Variants in MYH14 observed in about 807,000 individuals in gnomAD.
The protein encoded by MYH14 is myosin-14.
In MYH14, 123 loss-of-function variants were observed where a neutral mutation model predicts 255.5. The observed-to-expected ratio is 0.48, with a 90% CI of 0.42 to 0.56. The LOEUF is 0.56. Among genes scored for constraint, MYH14 ranks in the 20% least tolerant of loss-of-function variants. The pLI, the probability that MYH14 is intolerant of heterozygous loss-of-function variation, is 0.00. For synonymous variants in MYH14, 1,095 were observed against 1,161.2 expected (o/e 0.94, Z 1.16); for missense variants, 2,423 against 2,802.3 (o/e 0.86, Z 3.06).
chr19:50,244,152 T>C, intron 10 of MYH14, 90 bp from the exon 11 acceptor site: 1 of 1,154,260 alleles, frequency 8.7e-7, no homozygotes, highest in Non-Finnish European at 1.3e-6. Context: ...TAATTTGCCT[T>C]AAGCTTTTTA....
intron 10 of MYH14, among the ~76,000 whole-genome samples, chr19:50,242,264 C>A (rs1429786642): frequency 1.3e-5 from 2 of 152,118 alleles, no homozygotes; most frequent in African/African-American, 4.8e-5. Context: ...TATTTGTAAC[C>A]CCCAATTCAA....
chr19:50,214,202 A>G (rs906521162), intron 2 of MYH14, among the ~76,000 whole-genome samples: 9 of 152,114 alleles, frequency 5.9e-5, no homozygotes, highest in Non-Finnish European at 1.3e-4. Context: ...AGGAAGCACT[A>G]TTTCTGTCCC....
chr19:50,251,269 G>A (rs2034358971), intron 15 of MYH14, among the ~76,000 whole-genome samples: 1 of 151,984 alleles, frequency 6.6e-6, no homozygotes, highest in Admixed American at 6.6e-5. Context: ...TGGGCCAGAC[G>A]ATCTCTGTCA....
chr19:50,280,457 G>T lies in MYH14; in HGVS notation c.4290+74G>T. The T allele has an allele frequency of 7.0e-7, 1 of 1,424,678 alleles. No individual in the cohort carries two copies. The highest frequency in any genetic ancestry group is 9.3e-7 in the Non-Finnish European group (1 of 1,072,904). The allele number at this position is 1,424,678 out of a possible 1,614,324, so 88.3% of individuals were successfully genotyped here. A position where few individuals can be genotyped will look rare whatever the true frequency, so the allele number is the denominator to read the frequency against. On this transcript the variant is annotated intron_variant, in intron 32 of 42. Coordinates refer to ENST00000642316, the MANE Select transcript of MYH14 (RefSeq NM_001145809.2). The surrounding 1 kb of genome is among the most constrained non-coding windows in gnomAD (Gnocchi z 4.8). ...GCTCCTCCTGGGTTCCCCAGCTCAG[G>T]GATGGCCATGCTGCCCACCTTCTCA...
intron 1 of MYH14, among the ~76,000 whole-genome samples, chr19:50,210,095 T>TTA (rs1346039043): frequency 3.5e-5 from 2 of 57,800 alleles, no homozygotes; most frequent in African/African-American, 1.8e-4. Flanking sequence ...AGACTCCGTC[T>TTA]CAAAAAAAAA....
chr19:50,310,189 CT>C lies in MYH14; in HGVS notation c.*400del. ...CCTCTGCTTCTCTCTCTCTCTCTCT[CT>C]CTCCCTCCCTCTCCTTCCCTACCCT... On this transcript the variant is annotated 3_prime_UTR_variant, in exon 43 of 43. Transcript: ENST00000642316. 1 of 279,278 alleles carries C rather than the reference CT, an allele frequency of 3.6e-6. No homozygotes were observed. Among genetic ancestry groups the C allele is most frequent in the Non-Finnish European group, 6.8e-6 (1 of 147,966 alleles). 17.3% of individuals were successfully genotyped at this position (279,278 alleles called of 1,614,324 possible).
At chr19:50,262,125 C>T (rs758786919) in intron 21 of MYH14, among the ~76,000 whole-genome samples, 8 of 152,040 alleles carry the variant, frequency 5.3e-5, no homozygotes, top group East Asian at 1.9e-4. Flanking sequence ...CAGGCCACAC[C>T]GGACAAGCAG....
chr19:50,249,909 C>A, intron 14 of MYH14, 86 bp downstream of exon 14: 1 of 1,526,182 alleles, frequency 6.6e-7, no homozygotes, highest in Non-Finnish European at 8.9e-7. Flanking sequence ...AGCTCCTCCT[C>A]TGCTGGGCCT....
intron 10 of MYH14, among the ~76,000 whole-genome samples, chr19:50,233,625 C>T (rs1430481399): frequency 1.3e-5 from 2 of 152,128 alleles, no homozygotes; most frequent in South Asian, 2.1e-4. Context: ...CGCCCGGGAT[C>T]GTGGTGTTAG....
intron 41 of MYH14, 135 bp downstream of exon 41, chr19:50,307,292 A>G: frequency 3.3e-6 from 2 of 609,166 alleles, no homozygotes; most frequent in South Asian, 1.9e-5. Context: ...CTGAATGCAG[A>G]TACCATCTTG....
chr19:50,245,611 C>T (rs757018061), intron 11 of MYH14, among the ~76,000 whole-genome samples: 17 of 152,258 alleles, frequency 1.1e-4, no homozygotes, highest in Non-Finnish European at 1.9e-4. Context: ...TCGTGCTTCA[C>T]CCCCTCTTCC....
chr19:50,276,086 A>C lies in MYH14; in HGVS notation c.3563A>C (p.Glu1188Ala). ...GAGGCCCAGGAGGACCTGGAGTCTG[A>C]GCGTGTGGCCAGGACCAAGGCGGAG... ...LAEAQEDLES[E>A]RVARTKAEKQ... The change falls in exon 28 of 43, where the codon GAG becomes GCG. Residue 1188 changes from glutamate to alanine, a missense_variant. Coordinates refer to ENST00000642316, the MANE Select transcript of MYH14 (RefSeq NM_001145809.2). The surrounding 1 kb of genome is among the most constrained non-coding windows in gnomAD (Gnocchi z 4.3). 6.2e-7 allele frequency: 1 copy of C among 1,610,664 alleles called. No homozygotes were observed. The highest frequency in any genetic ancestry group is 8.5e-7 in the Non-Finnish European group (1 of 1,178,946).
intron 10 of MYH14, among the ~76,000 whole-genome samples, chr19:50,239,698 T>C (rs963246320): frequency 6.6e-6 from 1 of 152,150 alleles, no homozygotes; most frequent in East Asian, 1.9e-4. Flanking sequence ...TACAGGTGCC[T>C]GCCACCACGC....
At chr19:50,227,062 A>G in intron 8 of MYH14, 96 bp downstream of exon 8, 1 of 939,866 alleles carries the variant, frequency 1.1e-6, no homozygotes, top group Non-Finnish European at 1.6e-6. Flanking sequence ...GGGACCCCTT[A>G]CCTGCTACTC....
rs772188249 is a variant in MYH14, at chr19:50,293,592, C to T, written c.5374C>T (p.Leu1792=). The T allele has an allele frequency of 4.3e-6, 7 of 1,613,000 alleles. No individual in the cohort carries two copies. Among genetic ancestry groups the T allele is most frequent in the Non-Finnish European group, 5.9e-6 (7 of 1,179,572 alleles). The part of the protein sequence containing the change: ...KAAILEEKRQ[L]EGRLGQLEEE... ...AGCCATTCTGGAGGAGAAGCGTCAG[C>T]TGGAGGGGCGCCTGGGGCAGTTGGA... The change falls in exon 39 of 43, where the codon CTG becomes TTG. Residue 1792 remains leucine, a synonymous_variant. Transcript: ENST00000642316. The surrounding 1 kb of genome is among the most constrained non-coding windows in gnomAD (Gnocchi z 4.1).
In MYH14 at chr19:50,244,729, C is replaced by G. The variant is rs1327004165; in HGVS notation, c.1210+392C>G. Among the ~76,000 whole-genome samples, 6 of 152,194 alleles carry G rather than the reference C, an allele frequency of 3.9e-5. 1 individual carries two copies. Among genetic ancestry groups the G allele is most frequent in the African/African-American group, 1.4e-4 (6 of 41,548 alleles). ...CGATCTCATGACCTCGTGATCTGCC[C>G]ACCTCGGCCTCCCAAAGTGCTGGGA... On this transcript the variant is annotated intron_variant, in intron 11 of 42. Transcript: ENST00000642316.
intron 21 of MYH14, among the ~76,000 whole-genome samples, chr19:50,262,606 G>A (rs1162154362): frequency 6.6e-6 from 1 of 152,022 alleles, no homozygotes; most frequent in Non-Finnish European, 1.5e-5. Context: ...GCTGAGTGGG[G>A]CCTTGTCCAG....
At position 50,219,402 on chromosome 19, in the gene MYH14, T is replaced by C. The variant is rs76968515; in HGVS notation, c.562+1631T>C. 2.5e-3 allele frequency among the ~76,000 whole-genome samples: 381 copies of C among 152,138 alleles called. 4 individuals carry two copies. Among genetic ancestry groups the C allele is most frequent in the African/African-American group, 8.2e-3 (342 of 41,520 alleles). On this transcript the variant is annotated intron_variant, in intron 3 of 42. Transcript: ENST00000642316. ...AAAAAATCAAAAAATAACATGTTGG[T>C]GTGGATACGGTGAAATGGGAACACT...
intron 3 of MYH14, among the ~76,000 whole-genome samples, chr19:50,222,479 C>CAA (rs542179852): frequency 0.3 from 21,070 of 69,394 alleles, 2,743 homozygotes; most frequent in South Asian, 0.43. Context: ...GACTCCGTCT[C>CAA]AAAAAAAAAA....
Sources: allele counts gnomAD v4.1 joint callset (sites outside exome capture counted in the v4.1 genomes callset), GRCh38; gene constraint gnomAD v4.1.1; non-coding constraint Gnocchi (gnomAD v3.1); transcripts MANE v1.5; gene names NCBI Gene and HGNC (gene_info 2026-07-23, HGNC 2026-07-21).